The following LRRC37A2 variants were observed in gnomAD, a reference collection of about 807,000 sequenced individuals.
LRRC37A2 encodes the protein leucine rich repeat containing 37 member A2.
In LRRC37A2, 9 loss-of-function variants were observed where a neutral mutation model predicts 68.8. The observed-to-expected ratio is 0.13, with a 90% CI of 0.08 to 0.23. The LOEUF (loss-of-function observed/expected upper bound fraction) is 0.23. Ranked by LOEUF, LRRC37A2 falls within the 10% of genes least tolerant of loss-of-function variation. LRRC37A2 has a pLI of 1.00. For missense variants in LRRC37A2, 168 were observed against 950.4 expected (o/e 0.18, Z 10.82); for synonymous variants, 63 against 367.6 (o/e 0.17, Z 9.48).
the LRRC37A2 span, among the ~76,000 whole-genome samples, chr17:46,392,509 TTCTCTC>T: frequency 1.3e-3 from 55 of 42,334 alleles, no homozygotes; most frequent in South Asian, 4.0e-3. Flanking sequence ...TTTTCTCTCT[TTCTCTC>T]TCTCTCTCTC....
At chr17:46,730,562 T>C in the LRRC37A2 span, among the ~76,000 whole-genome samples, 15 of 152,198 alleles carry the variant, frequency 9.9e-5, no homozygotes, top group Admixed American at 5.9e-4. Flanking sequence ...GTAAAACTTA[T>C]TGTAAGATTT....
At chr17:46,718,452 T>G in the LRRC37A2 span, among the ~76,000 whole-genome samples, 1 of 152,254 alleles carries the variant, frequency 6.6e-6, no homozygotes, top group Admixed American at 6.5e-5. Context: ...ATTTGATCGT[T>G]ACATGTTTTA....
chr17:46,839,834 T>C, the LRRC37A2 span, among the ~76,000 whole-genome samples: 2 of 152,226 alleles, frequency 1.3e-5, no homozygotes, highest in African/African-American at 4.8e-5. Flanking sequence ...GCTTCATCCG[T>C]GTCCCTGCAA....
chr17:46,823,128 T>TA, the LRRC37A2 span, among the ~76,000 whole-genome samples: 1 of 132,734 alleles, frequency 7.5e-6, no homozygotes, highest in Non-Finnish European at 1.6e-5. Context: ...ATATTATATA[T>TA]TATATATATT....
chr17:46,816,843 C>CAAGTCTCTGCGAAAGCAA, the LRRC37A2 span, among the ~76,000 whole-genome samples: 2 of 152,202 alleles, frequency 1.3e-5, no homozygotes, highest in Admixed American at 6.5e-5. Context: ...AGGCGAAAAA[C>CAAGTCTCTGCGAAAGCAA]GGCATGGCCT....
chr17:46,635,705 G>C, the LRRC37A2 span, among the ~76,000 whole-genome samples: 2 of 106,398 alleles, frequency 1.9e-5, no homozygotes, highest in Non-Finnish European at 4.2e-5. Context: ...TACGAGAGCT[G>C]CTACTGTATC....
the LRRC37A2 span, among the ~76,000 whole-genome samples, chr17:46,795,109 G>A: frequency 6.6e-6 from 1 of 152,002 alleles, no homozygotes; most frequent in East Asian, 1.9e-4. Flanking sequence ...CCTCACCTGT[G>A]TCCCTCTGAG....
chr17:46,884,371 C>A, the LRRC37A2 span, among the ~76,000 whole-genome samples: 1 of 152,230 alleles, frequency 6.6e-6, no homozygotes, highest in African/African-American at 2.4e-5. Flanking sequence ...GTGCCGCCCC[C>A]GCCCCACACC....
chr17:46,769,581 G>A, the LRRC37A2 span, among the ~76,000 whole-genome samples: 1 of 152,126 alleles, frequency 6.6e-6, no homozygotes, highest in Non-Finnish European at 1.5e-5. Flanking sequence ...GGGTGGGGTG[G>A]AGTCCAGGAA....
At chr17:46,866,815 C>T in the LRRC37A2 span, among the ~76,000 whole-genome samples, 2 of 152,122 alleles carry the variant, frequency 1.3e-5, no homozygotes, top group African/African-American at 2.4e-5. Flanking sequence ...TGGGGATAGC[C>T]TCTGCTGAAA....
chr17:46,943,179 G>A, the LRRC37A2 span, among the ~76,000 whole-genome samples: 14 of 152,144 alleles, frequency 9.2e-5, no homozygotes, highest in African/African-American at 1.9e-4. Context: ...TGGCCGCACC[G>A]TGGGAACCAC....
chr17:46,994,225 A>G, the LRRC37A2 span, among the ~76,000 whole-genome samples: 1 of 152,114 alleles, frequency 6.6e-6, no homozygotes, highest in African/African-American at 2.4e-5. Context: ...TCTCTACTAA[A>G]AATACAATAA....
chr17:46,941,346 G>A, the LRRC37A2 span: 7 of 984,196 alleles, frequency 7.1e-6, no homozygotes, highest in Non-Finnish European at 8.4e-6. Flanking sequence ...TAAAGTTGAG[G>A]TTTATTTTAT....
the LRRC37A2 span, among the ~76,000 whole-genome samples, chr17:46,739,099 G>T: frequency 6.6e-6 from 1 of 151,944 alleles, no homozygotes; most frequent in Non-Finnish European, 1.5e-5. Context: ...TCCAGGCACG[G>T]TGGCTCACAC....
At chr17:46,924,657 C>A in the LRRC37A2 span, among the ~76,000 whole-genome samples, 7 of 152,236 alleles carry the variant, frequency 4.6e-5, no homozygotes, top group Non-Finnish European at 7.4e-5. Flanking sequence ...TGAGGTGTTT[C>A]ATTTGGACAG....
the LRRC37A2 span, among the ~76,000 whole-genome samples, chr17:46,753,469 A>C: frequency 6.6e-6 from 1 of 152,232 alleles, no homozygotes. Context: ...ATTATGAGCC[A>C]TAAATTAAAG....
chr17:46,939,736 A>G, the LRRC37A2 span: 2 of 987,170 alleles, frequency 2.0e-6, no homozygotes, highest in Non-Finnish European at 2.4e-6. Flanking sequence ...TGTAGTGTGT[A>G]TGTCCTTGTA....
At chr17:46,977,144 C>T in the LRRC37A2 span, among the ~76,000 whole-genome samples, 2 of 152,130 alleles carry the variant, frequency 1.3e-5, no homozygotes, top group African/African-American at 4.8e-5. Context: ...CGAGAAACTC[C>T]CCCACCCCAC....
the LRRC37A2 span, chr17:46,940,849 AC>A: frequency 6.9e-7 from 1 of 1,442,468 alleles, no homozygotes; most frequent in Non-Finnish European, 9.1e-7. Flanking sequence ...GTGTCTGGAC[AC>A]CCAGGGGCAT....
Sources: gnomAD v4.1 joint callset for allele counts (sites outside exome capture counted in the v4.1 genomes callset) on GRCh38, gnomAD v4.1.1 for gene constraint, MANE v1.5 for transcripts, NCBI Gene and HGNC (gene_info 2026-07-23, HGNC 2026-07-21) for gene names.